ATG7: variants seen among roughly 807,000 people sequenced by gnomAD.
ATG7 encodes autophagy related 7.
A neutral mutation model predicts 82.4 loss-of-function variants in ATG7; 70 were observed. The observed-to-expected ratio is 0.85, with a 90% CI of 0.70 to 1.04. The LOEUF (loss-of-function observed/expected upper bound fraction) is 1.04. ATG7 is among the 50% of genes least tolerant of loss of function. The probability of loss-of-function intolerance (pLI) is 0.00; values close to 1 mark genes in which losing one functional copy is unlikely to be tolerated. For missense variants in ATG7, 792 were observed against 864.3 expected (o/e 0.92, Z 1.05); for synonymous variants, 287 against 313.0 (o/e 0.92, Z 0.88).
In ATG7 at chr3:11,308,788, T is replaced by C. The variant is rs990699647; in HGVS notation, c.334-196T>C. ...GGGTTCCCTCACTTGGCTTAGATGT[T>C]GAAGGGAGTGTGGCTGGGAGAGAGG... On this transcript the variant is annotated intron_variant, in intron 6 of 20. Coordinates refer to ENST00000693202, the MANE Select transcript of ATG7 (RefSeq NM_001349232.2). 6.6e-6 allele frequency: 4 copies of C among 608,114 alleles called. No individual in the cohort carries two copies. In the African/African-American group the frequency reaches 7.4e-5, roughly 11 times the overall value. The allele number at this position is 608,114 out of a possible 1,614,324, so 37.7% of individuals were successfully genotyped here. A position where few individuals can be genotyped will look rare whatever the true frequency, so the allele number is the denominator to read the frequency against.
chr3:11,576,119 G>A, the ATG7 span, among the ~76,000 whole-genome samples: 1 of 152,206 alleles, frequency 6.6e-6, no homozygotes, highest in Non-Finnish European at 1.5e-5. Flanking sequence ...GACCGGTAAA[G>A]CATCTCACCT....
At chr3:11,414,770 T>C (rs1011551801) in intron 19 of ATG7, among the ~76,000 whole-genome samples, 4 of 152,370 alleles carry the variant, frequency 2.6e-5, no homozygotes, top group Non-Finnish European at 5.9e-5. Flanking sequence ...TTGTCATAAA[T>C]GACTGTTCAA....
chr3:11,529,043 CA>C (rs2092642981), intron 20 of ATG7, among the ~76,000 whole-genome samples: 1 of 151,652 alleles, frequency 6.6e-6, no homozygotes, highest in African/African-American at 2.4e-5. Context: ...GAAGAAATAC[CA>C]TATGGAAGGC....
At chr3:11,328,986 A>G (rs1178235301) in intron 9 of ATG7, among the ~76,000 whole-genome samples, 2 of 152,188 alleles carry the variant, frequency 1.3e-5, no homozygotes, top group East Asian at 3.9e-4. Context: ...CCCAGGAACT[A>G]GAGAGGCTGA....
rs199617802 is a variant in ATG7, at chr3:11,382,277, C to CAT, written c.1956+2233_1956+2234dup. ...CAAACAAAGCAATACATTATATACA[C>CAT]ATATATATAGAGAGAGAGAGTGCGA... On this transcript the variant is annotated intron_variant, in intron 19 of 20. Transcript: ENST00000693202. Among the ~76,000 whole-genome samples, 13 of 152,218 alleles carry CAT rather than the reference C, an allele frequency of 8.5e-5. No homozygotes were observed. The East Asian group carries it at 1.5e-3, about 18-fold the overall frequency.
intron 20 of ATG7, among the ~76,000 whole-genome samples, chr3:11,488,639 C>T (rs560374191): frequency 2.2e-4 from 33 of 152,208 alleles, no homozygotes; most frequent in South Asian, 1.7e-3. Context: ...CTGGGGCCTC[C>T]GGCGCCGTGA....
At chr3:11,484,016 CAATT>C (rs2089324762) in intron 20 of ATG7, among the ~76,000 whole-genome samples, 1 of 152,108 alleles carries the variant, frequency 6.6e-6, no homozygotes, top group Admixed American at 6.5e-5. Flanking sequence ...TATAATTTGA[CAATT>C]ACTTATGGGC....
chr3:11,446,283 C>A (rs367748854), intron 20 of ATG7, among the ~76,000 whole-genome samples: 1 of 151,876 alleles, frequency 6.6e-6, no homozygotes, highest in Non-Finnish European at 1.5e-5. Context: ...TCCATTTCAA[C>A]ATTCTGTGAT....
Position 11,342,244 on chromosome 3 carries a change from G to A in ATG7, c.1090G>A (p.Gly364Ser), listed in dbSNP as rs780547280. The part of the protein sequence containing the change: ...VSVKCLLLGA[G>S]TLGCNVARTL... Reference sequence around the variant, plus strand: ...TGTCAAATGTCTGCTGCTTGGAGCCGGCACCTTGGGTTGCAATGTAGCTAG... The same window carrying A: ...TGTCAAATGTCTGCTGCTTGGAGCCAGCACCTTGGGTTGCAATGTAGCTAG... Residue 364 changes from glycine (G) to serine (S), a missense_variant, in exon 13 of 21, where the codon GGC (glycine) becomes AGC (serine). By Grantham distance (56) the Gly-to-Ser change is moderately conservative. Coordinates refer to ENST00000693202, the MANE Select transcript of ATG7 (RefSeq NM_001349232.2). 8.1e-6 allele frequency: 13 copies of A among 1,613,240 alleles called. No homozygotes were observed. The highest frequency in any genetic ancestry group is 1.7e-5 in the Admixed American group (1 of 59,894).
chr3:11,380,155 T>C, intron 19 of ATG7, 103 bp downstream of exon 19: 1 of 1,062,998 alleles, frequency 9.4e-7, no homozygotes, highest in Admixed American at 1.8e-5. Flanking sequence ...TAAGGGCTTT[T>C]TGTGGGGGAA....
At chr3:11,458,518 A>C (rs4234507) in intron 20 of ATG7, among the ~76,000 whole-genome samples, 131,817 of 152,154 alleles carry the variant, frequency 0.87, 57,410 homozygotes, top group East Asian at 1. Flanking sequence ...CCGCCTCGGC[A>C]TCCCAAAGTG....
chr3:11,533,350 AT>A (rs1208014918), intron 20 of ATG7, among the ~76,000 whole-genome samples: 1 of 151,992 alleles, frequency 6.6e-6, no homozygotes, highest in East Asian at 1.9e-4. Flanking sequence ...CTCTGGGGTG[AT>A]TTTTTTTCCA....
chr3:11,369,069 G>A (rs1235137598), intron 18 of ATG7, among the ~76,000 whole-genome samples: 4 of 150,854 alleles, frequency 2.7e-5, no homozygotes. Context: ...ATGCTGAGGT[G>A]GAGCTGGGAT....
At chr3:11,381,187 T>C (rs529265263) in intron 19 of ATG7, among the ~76,000 whole-genome samples, 4 of 152,364 alleles carry the variant, frequency 2.6e-5, no homozygotes, top group Non-Finnish European at 5.9e-5. Context: ...ATTCTTTCTG[T>C]AGTTTCCTTT....
chr3:11,415,837 T>C (rs1445774288), intron 19 of ATG7, among the ~76,000 whole-genome samples: 4 of 151,936 alleles, frequency 2.6e-5, no homozygotes, highest in Non-Finnish European at 2.9e-5. Flanking sequence ...AGTAAATATA[T>C]AAACATAACA....
At chr3:11,440,302 CCTTT>C (rs2083760791) in intron 20 of ATG7, among the ~76,000 whole-genome samples, 1 of 145,320 alleles carries the variant, frequency 6.9e-6, no homozygotes, top group Non-Finnish European at 1.5e-5. Flanking sequence ...AGAGATAAGT[CCTTT>C]CTTTCTGGCC....
intron 20 of ATG7, among the ~76,000 whole-genome samples, chr3:11,466,535 G>GGTGT (rs1416058758): frequency 2.0e-5 from 3 of 152,220 alleles, no homozygotes; most frequent in African/African-American, 7.2e-5. Flanking sequence ...AAGGCAGCAT[G>GGTGT]GTGTAATGGA....
chr3:11,347,477 C>T (rs920852147), intron 13 of ATG7, among the ~76,000 whole-genome samples: 2 of 152,112 alleles, frequency 1.3e-5, no homozygotes, highest in African/African-American at 4.8e-5. Context: ...AAATGAGCTT[C>T]AAGAGTAGTT....
the ATG7 span, chr3:11,568,795 A>C: frequency 6.9e-7 from 1 of 1,448,674 alleles, no homozygotes; most frequent in Non-Finnish European, 9.1e-7. This position sits in a 1 kb window ranked among gnomAD's most constrained non-coding sequence, Gnocchi z 5.9. Flanking sequence ...ACTGTGCCCG[A>C]GAGAGCCCAC....
Sources: gnomAD v4.1 joint callset for allele counts (sites outside exome capture counted in the v4.1 genomes callset) on GRCh38, gnomAD v4.1.1 for gene constraint, Gnocchi (gnomAD v3.1) non-coding constraint, MANE v1.5 for transcripts, NCBI Gene and HGNC (gene_info 2026-07-23, HGNC 2026-07-21) for gene names.